Variants in GIGYF2 observed in about 807,000 individuals in gnomAD.
GIGYF2 encodes GRB10 interacting GYF protein 2.
Under a neutral mutation model 208.1 loss-of-function variants are expected in GIGYF2, and 25 were observed. The observed-to-expected ratio is 0.12, with a 90% CI of 0.09 to 0.17. The LOEUF (loss-of-function observed/expected upper bound fraction) is 0.17. Among genes scored for constraint, GIGYF2 ranks in the 10% least tolerant of loss-of-function variants. The pLI, the probability that GIGYF2 is intolerant of heterozygous loss-of-function variation, is 1.00. For synonymous variants in GIGYF2, 534 were observed against 543.8 expected, an observed-to-expected ratio of 0.98 and a Z score of 0.25; for missense variants, 1,302 against 1,579.4, an observed-to-expected ratio of 0.82 and a Z score of 2.98.
rs566334255 is a variant in GIGYF2, at chr2:232,755,240, G to A, written c.268-983G>A. 1.0e-3 allele frequency among the ~76,000 whole-genome samples: 152 copies of A among 152,166 alleles called. 1 individual carries two copies. Among genetic ancestry groups the A allele is most frequent in the Middle Eastern group, 3.4e-3 (1 of 294 alleles). On this transcript the variant is annotated intron_variant, in intron 5 of 28. Coordinates refer to ENST00000373563, the MANE Select transcript of GIGYF2 (RefSeq NM_001103146.3). ...GGCTAGAGTGCAGTGGCATGATCTCGGCTCACTGCAGCCTCTGCCTCCTGG... is the reference window on the plus strand; with the variant it reads ...GGCTAGAGTGCAGTGGCATGATCTCAGCTCACTGCAGCCTCTGCCTCCTGG...
At chr2:232,777,444 A>G (rs753041356) in intron 8 of GIGYF2, among the ~76,000 whole-genome samples, 2 of 152,148 alleles carry the variant, frequency 1.3e-5, no homozygotes, top group African/African-American at 2.4e-5. Context: ...CTCCTCCGTT[A>G]GCTGCTGATT....
intron 18 of GIGYF2, among the ~76,000 whole-genome samples, chr2:232,814,007 C>T (rs1700826387): frequency 6.6e-6 from 1 of 151,006 alleles, no homozygotes; most frequent in African/African-American, 2.4e-5. Flanking sequence ...CCTGCCTCAG[C>T]CTCCCGAGTA....
At chr2:232,706,149 G>C (rs541081788) in intron 2 of GIGYF2, among the ~76,000 whole-genome samples, 32 of 152,280 alleles carry the variant, frequency 2.1e-4, no homozygotes, top group Admixed American at 1.1e-3. Context: ...ATTAATGAGT[G>C]ATATGTCTAA....
At chr2:232,743,911 C>T (rs1455696543) in intron 3 of GIGYF2, among the ~76,000 whole-genome samples, 1 of 152,150 alleles carries the variant, frequency 6.6e-6, no homozygotes, top group Non-Finnish European at 1.5e-5. Context: ...GTGTTGCGAT[C>T]ATGGCTCACT....
At chr2:232,837,888 G>T (rs1249463175) in intron 22 of GIGYF2, among the ~76,000 whole-genome samples, 1 of 152,204 alleles carries the variant, frequency 6.6e-6, no homozygotes, top group Non-Finnish European at 1.5e-5. Flanking sequence ...GTGTTGAAAT[G>T]TAAGGTAGCA....
At chr2:232,764,890 A>G (rs1370898921) in intron 8 of GIGYF2, among the ~76,000 whole-genome samples, 2 of 151,936 alleles carry the variant, frequency 1.3e-5, no homozygotes, top group Non-Finnish European at 2.9e-5. Context: ...AATGAGGGTA[A>G]TTTTCTTAGC....
chr2:232,830,269 C>T (rs964596373), intron 21 of GIGYF2, among the ~76,000 whole-genome samples: 2 of 152,192 alleles, frequency 1.3e-5, no homozygotes, highest in Admixed American at 6.5e-5. Context: ...AGGCACAAAC[C>T]ACTGGGCCTG....
In GIGYF2 at chr2:232,858,386, CAT is replaced by C. The variant is rs1266408870; in HGVS notation, c.*1527_*1528del. On this transcript the variant is annotated 3_prime_UTR_variant, in exon 29 of 29. Transcript: ENST00000373563. ...CCTTCTTGCCTCCCTCCCTTCTAAA[CAT>C]GTGTAATAACTATACAGAGACTGCT... 6.6e-5 allele frequency: 28 copies of C among 424,344 alleles called. No homozygotes were observed. Among genetic ancestry groups the C allele is most frequent in the Admixed American group, 9.5e-5 (3 of 31,740 alleles). The allele number at this position is 424,344 out of a possible 1,614,324, so 26.3% of individuals were successfully genotyped here.
intron 2 of GIGYF2, among the ~76,000 whole-genome samples, chr2:232,716,322 C>G (rs1438292722): frequency 6.8e-6 from 1 of 147,266 alleles, no homozygotes; most frequent in African/African-American, 2.5e-5. Flanking sequence ...TCTTTATGGT[C>G]TTAGGAGCTG....
intron 14 of GIGYF2, among the ~76,000 whole-genome samples, chr2:232,799,813 C>T (rs1700338480): frequency 6.6e-6 from 1 of 152,104 alleles, no homozygotes; most frequent in African/African-American, 2.4e-5. Context: ...TAATAGTAGC[C>T]ATCCTAATGG....
At chr2:232,787,848 T>A (rs1699962814) in intron 9 of GIGYF2, among the ~76,000 whole-genome samples, 1 of 152,244 alleles carries the variant, frequency 6.6e-6, no homozygotes, top group Non-Finnish European at 1.5e-5. Flanking sequence ...CTTCTAACTT[T>A]AGAAGAAGGA....
At chr2:232,716,381 T>G (rs1265920279) in intron 2 of GIGYF2, among the ~76,000 whole-genome samples, 1 of 143,624 alleles carries the variant, frequency 7.0e-6, no homozygotes, top group African/African-American at 2.6e-5. Flanking sequence ...TTTGTTTTTT[T>G]TTTTTTTTTT....
At chr2:232,855,174 C>T (rs568481097) in intron 28 of GIGYF2, among the ~76,000 whole-genome samples, 114 of 149,766 alleles carry the variant, frequency 7.6e-4, no homozygotes, top group Non-Finnish European at 1.1e-3. Flanking sequence ...AAAATCTCTG[C>T]CTCCTGGGTT....
intron 23 of GIGYF2, among the ~76,000 whole-genome samples, chr2:232,842,581 G>A (rs1049698488): frequency 6.6e-6 from 1 of 152,262 alleles, no homozygotes. Flanking sequence ...TATGTTAGAA[G>A]TTTATGTCAA....
chr2:232,813,616 G>A (rs12619195), intron 18 of GIGYF2, among the ~76,000 whole-genome samples: 52,253 of 151,908 alleles, frequency 0.34, 9,290 homozygotes, highest in Admixed American at 0.41. Context: ...AAGAACTATA[G>A]GCCTTGGTGG....
chr2:232,740,598 A>C (rs1402889249), intron 3 of GIGYF2, among the ~76,000 whole-genome samples: 1 of 152,238 alleles, frequency 6.6e-6, no homozygotes, highest in Non-Finnish European at 1.5e-5. Flanking sequence ...TTCCATTAAG[A>C]AATGCACTGT....
chr2:232,803,952 G>C (rs1396443824), intron 14 of GIGYF2, among the ~76,000 whole-genome samples: 2 of 15,108 alleles, frequency 1.3e-4, no homozygotes, highest in Non-Finnish European at 2.3e-4. Context: ...CTCCCAAAGT[G>C]CTGGGATTAC....
At chr2:232,840,778 A>C (rs1291400095) in intron 23 of GIGYF2, among the ~76,000 whole-genome samples, 1 of 152,160 alleles carries the variant, frequency 6.6e-6, no homozygotes, top group Non-Finnish European at 1.5e-5. Flanking sequence ...GGATTGTCCA[A>C]ATTTAGGTAG....
intron 13 of GIGYF2, 139 bp downstream of exon 13, chr2:232,795,083 A>G (rs1298415680): frequency 2.8e-6 from 2 of 725,892 alleles, no homozygotes; most frequent in Non-Finnish European, 5.0e-6. Flanking sequence ...GTTTATTTGT[A>G]CAAGTCATTG....
Sources: allele counts gnomAD v4.1 joint callset (sites outside exome capture counted in the v4.1 genomes callset), GRCh38; gene constraint gnomAD v4.1.1; transcripts MANE v1.5; gene names NCBI Gene and HGNC (gene_info 2026-07-23, HGNC 2026-07-21).